The following SNAP91 variants were observed in gnomAD, a reference collection of about 807,000 sequenced individuals.
SNAP91 encodes the protein synaptosome associated protein 91.
A neutral mutation model predicts 100.3 loss-of-function variants in SNAP91; 27 were observed. The ratio of observed to expected loss-of-function variants is 0.27; its 90% confidence interval spans 0.20 to 0.37. The LOEUF is 0.37. SNAP91 is among the 10% of genes least tolerant of loss of function. The pLI is 1.00. For synonymous variants in SNAP91, 404 were observed against 398.6 expected, an observed-to-expected ratio of 1.01 and a Z score of -0.16; for missense variants, 986 against 1,123.7, an observed-to-expected ratio of 0.88 and a Z score of 1.75.
chr6:83,614,628 C>T lies in SNAP91; in HGVS notation c.884+229G>A, dbSNP rs1407849336. On this transcript the variant is annotated intron_variant, in intron 11 of 29. Transcript: ENST00000369694. ...ATATATTAATATAAATACATATATA[C>T]ATCTAAGAGAGACTGTTAGTCTATA... 4.6e-5 allele frequency among the ~76,000 whole-genome samples: 7 copies of T among 152,078 alleles called. No individual in the cohort carries two copies. The East Asian group carries it at 1.4e-3, about 29-fold the overall frequency.
chr6:83,560,472 G>A (rs188972035), intron 27 of SNAP91, among the ~76,000 whole-genome samples: 1 of 152,148 alleles, frequency 6.6e-6, no homozygotes, highest in African/African-American at 2.4e-5. Flanking sequence ...TTCATCTTCT[G>A]TAAGCATAAT....
At chr6:83,624,383 G>C (rs1019775495) in intron 8 of SNAP91, among the ~76,000 whole-genome samples, 1 of 152,036 alleles carries the variant, frequency 6.6e-6, no homozygotes, top group Non-Finnish European at 1.5e-5. Context: ...AACAAAGTGG[G>C]TTAAGCCAAA....
At chr6:83,693,925 T>C (rs1310264590) in intron 2 of SNAP91, among the ~76,000 whole-genome samples, 1 of 152,142 alleles carries the variant, frequency 6.6e-6, no homozygotes, top group Non-Finnish European at 1.5e-5. Context: ...ATCTTAAGTG[T>C]CAACACTGAT....
intron 2 of SNAP91, among the ~76,000 whole-genome samples, chr6:83,698,602 C>T (rs1480048631): frequency 2.4e-4 from 37 of 152,008 alleles, no homozygotes; most frequent in Admixed American, 2.0e-3. Context: ...CAAAAGGAGA[C>T]GAGGGAAAAT....
chr6:83,614,795 GAGTGTTTTTTGCATTTTTAGTAATTAC>G, intron 11 of SNAP91, 35 bp downstream of exon 11: 13 of 1,221,332 alleles, frequency 1.1e-5, no homozygotes, highest in Non-Finnish European at 1.5e-5. Flanking sequence ...GGAATCTTAA[GAGTGTTTTTTGCATTTTTAGTAATTAC>G]CAAATGCAAA....
chr6:83,585,742 C>G (rs551647728), intron 22 of SNAP91, among the ~76,000 whole-genome samples: 4 of 151,998 alleles, frequency 2.6e-5, no homozygotes, highest in Non-Finnish European at 5.9e-5. Context: ...AGCCCACACT[C>G]TTAATGAAGT....
intron 11 of SNAP91, among the ~76,000 whole-genome samples, chr6:83,611,204 T>C (rs560282203): frequency 4.2e-4 from 63 of 151,032 alleles, no homozygotes; most frequent in Admixed American, 8.6e-4. Flanking sequence ...AAGTCTGTTT[T>C]CCCCCCCCAT....
intron 26 of SNAP91, among the ~76,000 whole-genome samples, chr6:83,567,015 C>A (rs145215537): frequency 6.6e-6 from 1 of 152,078 alleles, no homozygotes; most frequent in African/African-American, 2.4e-5. Flanking sequence ...CATAGCTCAC[C>A]GTAGGCTCAA....
chr6:83,678,737 C>G (rs2098945698), intron 2 of SNAP91: 1 of 1,289,240 alleles, frequency 7.8e-7, no homozygotes. Context: ...GGCACCATCT[C>G]CCAGCATTAT....
At chr6:83,674,788 A>G (rs1404503426) in intron 2 of SNAP91, among the ~76,000 whole-genome samples, 2 of 152,212 alleles carry the variant, frequency 1.3e-5, no homozygotes, top group African/African-American at 4.8e-5. Flanking sequence ...CGGAATGAAG[A>G]CCTAACAATG....
chr6:83,694,089 C>CAG (rs2099164275), intron 2 of SNAP91, among the ~76,000 whole-genome samples: 1 of 152,180 alleles, frequency 6.6e-6, no homozygotes, highest in African/African-American at 2.4e-5. Context: ...TTTTAAGTTA[C>CAG]AGATGAAAAA....
intron 10 of SNAP91, among the ~76,000 whole-genome samples, chr6:83,615,817 T>C (rs1198494476): frequency 2.6e-5 from 4 of 152,194 alleles, no homozygotes; most frequent in Non-Finnish European, 5.9e-5. Context: ...GACACAAGCC[T>C]AGATTCTGGG....
At chr6:83,638,941 T>C (rs551754431) in intron 8 of SNAP91, among the ~76,000 whole-genome samples, 1 of 152,300 alleles carries the variant, frequency 6.6e-6, no homozygotes, top group African/African-American at 2.4e-5. Flanking sequence ...ATCTTACCAG[T>C]AAAAATTATT....
chr6:83,661,660 T>G, intron 4 of SNAP91, 56 bp from the exon 5 acceptor site: 3 of 985,966 alleles, frequency 3.0e-6, no homozygotes, highest in African/African-American at 1.6e-5. Flanking sequence ...TCAACTGTGC[T>G]TTGCATAGTA....
At chr6:83,684,140 T>G (rs1056731734) in intron 2 of SNAP91, among the ~76,000 whole-genome samples, 2 of 152,200 alleles carry the variant, frequency 1.3e-5, no homozygotes, top group Admixed American at 6.5e-5. Context: ...CCCTTCAACC[T>G]GGGTTTCCCA....
intron 24 of SNAP91, 52 bp from the exon 25 acceptor site, chr6:83,576,105 T>C: frequency 2.2e-6 from 2 of 921,574 alleles, no homozygotes; most frequent in Middle Eastern, 2.2e-4. Flanking sequence ...TCAGTTTATA[T>C]GATATGACAT....
At chr6:83,636,843 T>C (rs147500821) in intron 8 of SNAP91, among the ~76,000 whole-genome samples, 4 of 152,366 alleles carry the variant, frequency 2.6e-5, no homozygotes, top group South Asian at 4.1e-4. Context: ...TTTTTGTTTT[T>C]ACATTCTTTT....
intron 2 of SNAP91, among the ~76,000 whole-genome samples, chr6:83,688,248 T>C (rs1211989909): frequency 6.6e-6 from 1 of 152,214 alleles, no homozygotes; most frequent in African/African-American, 2.4e-5. Context: ...AGTCTCCTTT[T>C]GCTCTAATGA....
intron 8 of SNAP91, among the ~76,000 whole-genome samples, chr6:83,627,411 T>C (rs926577380): frequency 6.6e-6 from 1 of 152,076 alleles, no homozygotes; most frequent in African/African-American, 2.4e-5. Context: ...ATTGAAATAG[T>C]TTCAGTAGAA....
Sources: allele counts gnomAD v4.1 joint callset (sites outside exome capture counted in the v4.1 genomes callset), GRCh38; gene constraint gnomAD v4.1.1; transcripts MANE v1.5; gene names NCBI Gene and HGNC (gene_info 2026-07-23, HGNC 2026-07-21).